ERLIN1: variants seen among roughly 807,000 people sequenced by gnomAD.
The protein encoded by ERLIN1 is erlin-1.
In ERLIN1, 24 loss-of-function variants were observed where a neutral mutation model predicts 46.9. The ratio of observed to expected loss-of-function variants is 0.51; its 90% CI spans 0.37 to 0.72. ERLIN1 has a LOEUF of 0.72. ERLIN1 is among the 30% of genes least tolerant of loss of function. The pLI is 0.00. For missense variants in ERLIN1, 293 were observed against 417.9 expected (o/e 0.70, Z 2.61); for synonymous variants, 158 against 143.2 (o/e 1.10, Z -0.74).
Position 100,185,578 on chromosome 10 carries a change from C to G in ERLIN1, c.49G>C (p.Val17Leu). 3.1e-6 allele frequency: 5 copies of G among 1,614,058 alleles called. No homozygotes were observed. The highest frequency in any genetic ancestry group is 4.2e-6 in the Non-Finnish European group (5 of 1,179,892). Residue 17 changes from valine to leucine, a missense_variant, in exon 1 of 11, where the codon GTG becomes CTG. Coordinates refer to ENST00000421367, the MANE Select transcript of ERLIN1 (RefSeq NM_006459.4). ...RVLVAAVVGL[V>L]AVLLYASIHK... ...ATGGAGGCGTAGAGCAGGACAGCCA[C>G]CAACCCCACCACTGCAGCCACCAGA...
intron 7 of ERLIN1, among the ~76,000 whole-genome samples, chr10:100,165,683 A>T (rs537248293): frequency 3.3e-5 from 5 of 152,098 alleles, no homozygotes; most frequent in Non-Finnish European, 7.4e-5. Context: ...CACCGCACCC[A>T]GCCTAAGCAA....
intron 7 of ERLIN1, among the ~76,000 whole-genome samples, chr10:100,164,868 T>TAA (rs1050263340): frequency 7.0e-6 from 1 of 143,540 alleles, no homozygotes; most frequent in Non-Finnish European, 1.5e-5. Context: ...TAAAATACCT[T>TAA]AAAAAAAAAA....
Position 100,152,167 on chromosome 10 carries a change from T to TCCA in ERLIN1, c.1008_1010dup (p.Gly337dup), listed in dbSNP as rs746815062. The TCCA allele has an allele frequency of 1.2e-6, 2 of 1,613,480 alleles. No homozygotes were observed. The highest frequency in any genetic ancestry group is 1.1e-5 in the South Asian group (1 of 91,084). On this transcript the variant is annotated inframe_insertion, in exon 11 of 11. Coordinates refer to ENST00000421367, the MANE Select transcript of ERLIN1 (RefSeq NM_006459.4). ...TCTCTTTGTTTTGGATGACGTTCTCTCCAGAGGGTTCAAGAGCCTCCTTAG... is the reference window on the plus strand; with the variant it reads ...TCTCTTTGTTTTGGATGACGTTCTCTCCACCAGAGGGTTCAAGAGCCTCCTTAG...
chr10:100,170,718 C>G (rs1450549828), intron 6 of ERLIN1, among the ~76,000 whole-genome samples: 2 of 152,104 alleles, frequency 1.3e-5, no homozygotes, highest in African/African-American at 2.4e-5. Flanking sequence ...AGGCGATTGT[C>G]AAAGATGCCT....
intron 8 of ERLIN1, among the ~76,000 whole-genome samples, chr10:100,163,483 A>G (rs1197716163): frequency 6.6e-6 from 1 of 152,074 alleles, no homozygotes; most frequent in Non-Finnish European, 1.5e-5. Context: ...TTAAAGATGT[A>G]TTAAACTTTC....
chr10:100,160,675 AG>A (rs1843321605), intron 8 of ERLIN1, among the ~76,000 whole-genome samples: 1 of 152,184 alleles, frequency 6.6e-6, no homozygotes, highest in South Asian at 2.1e-4. Context: ...GACTGGGCAC[AG>A]TGGCTCACAC....
chr10:100,154,960 A>G, intron 9 of ERLIN1, 21 bp from the exon 10 acceptor site: 2 of 1,597,158 alleles, frequency 1.3e-6, no homozygotes, highest in South Asian at 2.2e-5. Flanking sequence ...AACAAAGGAA[A>G]GGTGTCAATC....
intron 8 of ERLIN1, among the ~76,000 whole-genome samples, chr10:100,161,493 C>A (rs1843362423): frequency 6.6e-6 from 1 of 152,078 alleles, no homozygotes; most frequent in East Asian, 1.9e-4. Context: ...CAAATTGATG[C>A]ATACATTCAA....
intron 6 of ERLIN1, among the ~76,000 whole-genome samples, chr10:100,171,858 A>C (rs1844015969): frequency 1.3e-5 from 2 of 152,210 alleles, no homozygotes. Flanking sequence ...TTTTCTCCAA[A>C]AGGATTAAGA....
At position 100,185,920 on chromosome 10, in the gene ERLIN1, C is replaced by T; in HGVS notation, c.-294G>A. On this transcript the variant is annotated 5_prime_UTR_variant, in exon 1 of 11. Transcript: ENST00000421367. ...GGCACTAACTGAGAAGAAGCCCAGC[C>T]GCAGGCTCGCGAGGAAAGCCGACCC... 3 of 454,570 alleles carry T rather than the reference C, an allele frequency of 6.6e-6. No individual in the cohort carries two copies. The highest frequency in any genetic ancestry group is 3.9e-6 in the Non-Finnish European group (1 of 257,700). 28.2% of individuals were successfully genotyped at this position (454,570 alleles called of 1,614,324 possible).
intron 6 of ERLIN1, among the ~76,000 whole-genome samples, chr10:100,171,051 C>T (rs1457416195): frequency 1.3e-5 from 2 of 152,122 alleles, no homozygotes; most frequent in Non-Finnish European, 2.9e-5. Flanking sequence ...AAATGGGTTG[C>T]AGATGAATTA....
chr10:100,174,814 G>A (rs1844199409), intron 5 of ERLIN1, among the ~76,000 whole-genome samples: 1 of 152,224 alleles, frequency 6.6e-6, no homozygotes, highest in Non-Finnish European at 1.5e-5. Flanking sequence ...GAGAGACAGA[G>A]AGAGAAGCTC....
intron 10 of ERLIN1, among the ~76,000 whole-genome samples, chr10:100,153,254 G>A (rs1842901814): frequency 6.6e-6 from 1 of 152,134 alleles, no homozygotes; most frequent in African/African-American, 2.4e-5. Context: ...ATGTGACAGT[G>A]TTTTGTTTAA....
intron 6 of ERLIN1, among the ~76,000 whole-genome samples, chr10:100,170,947 G>A (rs1276301304): frequency 6.6e-6 from 1 of 152,178 alleles, no homozygotes; most frequent in Non-Finnish European, 1.5e-5. Context: ...AAAGAAGGGG[G>A]AAGATGGAAA....
chr10:100,179,880 C>CT (rs1844539671), intron 2 of ERLIN1, among the ~76,000 whole-genome samples: 1 of 152,188 alleles, frequency 6.6e-6, no homozygotes, highest in Non-Finnish European at 1.5e-5. Context: ...AACAACACAG[C>CT]TTGCTCACAT....
chr10:100,182,904 G>A (rs1470880533), intron 2 of ERLIN1, among the ~76,000 whole-genome samples: 1 of 152,160 alleles, frequency 6.6e-6, no homozygotes, highest in East Asian at 1.9e-4. Flanking sequence ...TCTGATTAGG[G>A]GAAGAATACA....
chr10:100,153,105 G>A (rs897005764), intron 10 of ERLIN1, among the ~76,000 whole-genome samples: 1 of 152,216 alleles, frequency 6.6e-6, no homozygotes, highest in Non-Finnish European at 1.5e-5. Flanking sequence ...ATCATTAGCT[G>A]TGATTCTGCT....
intron 9 of ERLIN1, among the ~76,000 whole-genome samples, chr10:100,155,646 C>G (rs1266318588): frequency 6.6e-6 from 1 of 152,010 alleles, no homozygotes; most frequent in African/African-American, 2.4e-5. Context: ...TCCCAAGTAG[C>G]TGGGACTACA....
intron 8 of ERLIN1, 133 bp downstream of exon 8, chr10:100,163,871 C>T: frequency 1.6e-6 from 1 of 625,656 alleles, no homozygotes; most frequent in Non-Finnish European, 2.8e-6. Flanking sequence ...TCTGAATGTA[C>T]AGTGGAGATT....
Sources: allele counts gnomAD v4.1 joint callset (sites outside exome capture counted in the v4.1 genomes callset), GRCh38; gene constraint gnomAD v4.1.1; transcripts MANE v1.5; gene names NCBI Gene and HGNC (gene_info 2026-07-23, HGNC 2026-07-21).